Variants in ATAD2B observed in about 807,000 individuals in gnomAD.
ATAD2B encodes ATPase family AAA domain-containing protein 2B.
ATAD2B carries 40 observed loss-of-function variants against 167.6 expected under a neutral mutation model. That is an observed-to-expected ratio of 0.24 (90% CI 0.19 to 0.31). The LOEUF (loss-of-function observed/expected upper bound fraction) is 0.31. ATAD2B is among the 10% of genes least tolerant of loss of function. The pLI is 1.00. For missense variants in ATAD2B, 1,242 were observed against 1,757.2 expected (o/e 0.71, Z 5.24); for synonymous variants, 579 against 596.5 (o/e 0.97, Z 0.43).
the ATAD2B span, among the ~76,000 whole-genome samples, chr2:23,720,285 G>A: frequency 6.6e-6 from 1 of 152,130 alleles, no homozygotes; most frequent in Admixed American, 6.5e-5. Context: ...AAAAGTCCAG[G>A]AGGGCAGGCC....
downstream of ATAD2B, among the ~76,000 whole-genome samples, chr2:23,747,050 T>C (rs1426721481): frequency 6.6e-6 from 1 of 152,060 alleles, no homozygotes; most frequent in Non-Finnish European, 1.5e-5. Context: ...ATTTTATAAA[T>C]GAATGAAAAA....
At chr2:23,695,166 T>C in the ATAD2B span, among the ~76,000 whole-genome samples, 1 of 152,128 alleles carries the variant, frequency 6.6e-6, no homozygotes. The surrounding 1 kb of genome is among the most constrained non-coding windows in gnomAD (Gnocchi z 7.6). Flanking sequence ...GGCTGAGACT[T>C]ACAAGCTCAA....
chr2:23,780,450 A>G (rs1679853019), intron 22 of ATAD2B, among the ~76,000 whole-genome samples: 1 of 152,180 alleles, frequency 6.6e-6, no homozygotes, highest in African/African-American at 2.4e-5. Context: ...TACTGGGTTG[A>G]TGCAAAACAA....
intron 22 of ATAD2B, among the ~76,000 whole-genome samples, chr2:23,782,455 T>C (rs1343477014): frequency 6.6e-6 from 1 of 152,116 alleles, no homozygotes; most frequent in Non-Finnish European, 1.5e-5. Context: ...ATCCCAACAA[T>C]CAAAAGAACA....
chr2:23,722,013 A>G, the ATAD2B span, among the ~76,000 whole-genome samples: 27 of 152,254 alleles, frequency 1.8e-4, no homozygotes, highest in Non-Finnish European at 3.7e-4. Context: ...TGAAGAAACT[A>G]TATGAGGACT....
chr2:23,785,496 C>G (rs1246613596), intron 21 of ATAD2B, among the ~76,000 whole-genome samples: 1 of 152,056 alleles, frequency 6.6e-6, no homozygotes, highest in Non-Finnish European at 1.5e-5. Flanking sequence ...AAATTTTCCA[C>G]TGGGAGCAGA....
chr2:23,849,655 C>T (rs1461068927), intron 13 of ATAD2B, among the ~76,000 whole-genome samples: 2 of 152,104 alleles, frequency 1.3e-5, no homozygotes, highest in African/African-American at 4.8e-5. Context: ...ATGGTGAAAC[C>T]CCATCTCTAC....
At chr2:23,889,811 C>T (rs928990450) in intron 2 of ATAD2B, among the ~76,000 whole-genome samples, 1 of 151,340 alleles carries the variant, frequency 6.6e-6, no homozygotes, top group Non-Finnish European at 1.5e-5. Context: ...CCCAGCTACT[C>T]GGGAGGCTGA....
the ATAD2B span, among the ~76,000 whole-genome samples, chr2:23,700,913 A>G: frequency 2.6e-5 from 4 of 151,832 alleles, no homozygotes; most frequent in Non-Finnish European, 4.4e-5. This position sits in a 1 kb window ranked among gnomAD's most constrained non-coding sequence, Gnocchi z 4.6. Context: ...TAAAGACTAC[A>G]TTTCCCCAGT....
At chr2:23,752,452 A>T (rs1431977795) in intron 27 of ATAD2B, among the ~76,000 whole-genome samples, 1 of 150,310 alleles carries the variant, frequency 6.7e-6, no homozygotes, top group Non-Finnish European at 1.5e-5. Context: ...ATTTCTATAT[A>T]TAAAATACAT....
At chr2:23,737,979 C>A in the ATAD2B span, among the ~76,000 whole-genome samples, 1 of 151,864 alleles carries the variant, frequency 6.6e-6, no homozygotes, top group South Asian at 2.1e-4. Flanking sequence ...TGAAATGAAG[C>A]GAGAAGAGAA....
chr2:23,882,881 G>T (rs1261825209), intron 6 of ATAD2B, among the ~76,000 whole-genome samples: 1 of 151,726 alleles, frequency 6.6e-6, no homozygotes, highest in Non-Finnish European at 1.5e-5. Context: ...AATGCAATAT[G>T]TAACTTTTTA....
At chr2:23,822,630 A>G (rs1404961883) in intron 16 of ATAD2B, among the ~76,000 whole-genome samples, 1 of 151,846 alleles carries the variant, frequency 6.6e-6, no homozygotes, top group Non-Finnish European at 1.5e-5. Flanking sequence ...TAAGAGGATT[A>G]ACAGGCCGGG....
chr2:23,852,545 T>A (rs1692732863), intron 13 of ATAD2B, among the ~76,000 whole-genome samples: 1 of 152,200 alleles, frequency 6.6e-6, no homozygotes, highest in Admixed American at 6.5e-5. Context: ...TATTAGCAAG[T>A]GGAATCCAAT....
chr2:23,882,059 A>T (rs1245682843), intron 6 of ATAD2B, among the ~76,000 whole-genome samples: 1 of 147,618 alleles, frequency 6.8e-6, no homozygotes, highest in Non-Finnish European at 1.5e-5. Context: ...ACATCTAAGT[A>T]CAGTTAAAAT....
the ATAD2B span, among the ~76,000 whole-genome samples, chr2:23,699,524 G>A: frequency 1.3e-5 from 2 of 152,184 alleles, no homozygotes; most frequent in Non-Finnish European, 2.9e-5. Flanking sequence ...CCAGTGACCT[G>A]GCCAGGCTGC....
At position 23,823,434 on chromosome 2, in the gene ATAD2B, T is replaced by A; in HGVS notation, c.1955A>T (p.Asp652Val). ...DVSSIVLSAQ[D>V]FYHAMQNIVP... ...GATATTCTGCATTGCATGGTAAAAA[T>A]CTTGGGCACTAAGCACTATTGAGGA... The change falls in exon 16 of 28, where the codon GAT (aspartate) becomes GTT (valine). Residue 652 changes from aspartate (D) to valine (V), a missense_variant. Asp to Val is a radical substitution (Grantham distance 152). Around this residue, in one of 9 missense-constraint regions of ATAD2B, gnomAD observed 145 missense variants for 181.9 expected, o/e 0.80. Transcript: ENST00000238789. 6.2e-7 allele frequency: 1 copy of A among 1,613,930 alleles called. No individual in the cohort carries two copies. The highest frequency in any genetic ancestry group is 8.5e-7 in the Non-Finnish European group (1 of 1,179,886).
At chr2:23,762,159 A>T (rs1169664109) in intron 24 of ATAD2B, 50 bp downstream of exon 24, 4 of 1,584,406 alleles carry the variant, frequency 2.5e-6, no homozygotes, top group East Asian at 4.6e-5. Context: ...ACATATCTAC[A>T]TCATTCTCAG....
chr2:23,829,771 A>G (rs1304069227), intron 14 of ATAD2B, among the ~76,000 whole-genome samples: 2 of 152,152 alleles, frequency 1.3e-5, no homozygotes, highest in Non-Finnish European at 2.9e-5. Flanking sequence ...GGAGAAAAAA[A>G]ATCAAGCATA....
Sources: gnomAD v4.1 joint callset for allele counts (sites outside exome capture counted in the v4.1 genomes callset) on GRCh38, gnomAD v4.1.1 for gene constraint, gnomAD v4.1.1 regional missense constraint, Gnocchi (gnomAD v3.1) non-coding constraint, MANE v1.5 for transcripts, NCBI Gene and HGNC (gene_info 2026-07-23, HGNC 2026-07-21) for gene names.